CAMKK2: variants seen among roughly 807,000 people sequenced by gnomAD.
CAMKK2 encodes calcium/calmodulin dependent protein kinase kinase 2, also known as calcium/calmodulin-dependent protein kinase kinase 2.
A neutral mutation model predicts 67.2 loss-of-function variants in CAMKK2; 30 were observed. That is an observed-to-expected ratio of 0.45 (90% CI 0.33 to 0.61). CAMKK2 has a LOEUF of 0.61. CAMKK2 is among the 20% of genes least tolerant of loss of function. The pLI is 0.02. For missense variants in CAMKK2, 643 were observed against 802.0 expected, an observed-to-expected ratio of 0.80 and a Z score of 2.39; for synonymous variants, 322 against 326.2, an observed-to-expected ratio of 0.99 and a Z score of 0.14.
At chr12:121,251,431 G>A (rs893753240) in intron 11 of CAMKK2, among the ~76,000 whole-genome samples, 6 of 152,120 alleles carry the variant, frequency 3.9e-5, no homozygotes, top group Non-Finnish European at 5.9e-5. Flanking sequence ...TTCTTCATGG[G>A]ACCAGTTTCT....
chr12:121,281,251 C>A (rs1490303499), intron 1 of CAMKK2, among the ~76,000 whole-genome samples: 1 of 152,256 alleles, frequency 6.6e-6, no homozygotes, highest in Non-Finnish European at 1.5e-5. Context: ...GGGGCTGTTT[C>A]CAACCTGCAT....
At chr12:121,265,141 G>A (rs943495975) in intron 5 of CAMKK2, among the ~76,000 whole-genome samples, 1 of 152,168 alleles carries the variant, frequency 6.6e-6, no homozygotes, top group African/African-American at 2.4e-5. Flanking sequence ...AGGATGTACA[G>A]ACCCACAGTG....
At chr12:121,261,338 T>C (rs1294471049) in intron 6 of CAMKK2, among the ~76,000 whole-genome samples, 1 of 152,180 alleles carries the variant, frequency 6.6e-6, no homozygotes, top group African/African-American at 2.4e-5. Flanking sequence ...CCAAATGCCC[T>C]TGGGCTTCCT....
Position 121,238,611 on chromosome 12 carries a change from C to G in CAMKK2, c.*2088G>C, listed in dbSNP as rs201062980. 2 of 152,586 alleles carry G rather than the reference C, an allele frequency of 1.3e-5. No homozygotes were observed. Among genetic ancestry groups the G allele is most frequent in the Non-Finnish European group, 2.9e-5 (2 of 68,054 alleles). The allele number at this position is 152,586 out of a possible 1,614,324, so 9.5% of individuals were successfully genotyped here. A position where few individuals can be genotyped will look rare whatever the true frequency, so the allele number is the denominator to read the frequency against. On this transcript the variant is annotated 3_prime_UTR_variant, in exon 17 of 17. Coordinates refer to ENST00000404169, the MANE Select transcript of CAMKK2 (RefSeq NM_001270485.2). ...GGTCTCCCCCACCCCACTGCCCCCA[C>G]AGCTGGGTGCTGCCTGATTGCTGGC...
At chr12:121,254,291 C>T (rs776048560) in intron 9 of CAMKK2, among the ~76,000 whole-genome samples, 25 of 151,990 alleles carry the variant, frequency 1.6e-4, no homozygotes, top group African/African-American at 5.1e-4. Context: ...AACCCCATCT[C>T]TACAAAAAAT....
chr12:121,263,739 T>G, intron 6 of CAMKK2, 67 bp downstream of exon 6: 5 of 1,482,808 alleles, frequency 3.4e-6, no homozygotes, highest in Non-Finnish European at 4.6e-6. Flanking sequence ...TGGAAACCAG[T>G]GGCGGGGTGT....
chr12:121,244,837 C>T (rs1351884998), intron 15 of CAMKK2, among the ~76,000 whole-genome samples: 1 of 152,222 alleles, frequency 6.6e-6, no homozygotes, highest in East Asian at 1.9e-4. Flanking sequence ...TCAAACCTCC[C>T]CATCAGGCAC....
chr12:121,289,306 G>A (rs1899479271), intron 1 of CAMKK2, among the ~76,000 whole-genome samples: 1 of 151,796 alleles, frequency 6.6e-6, no homozygotes, highest in African/African-American at 2.4e-5. Context: ...CCGAAACACT[G>A]GCAGCTAAAA....
Position 121,252,605 on chromosome 12 carries a change from T to C in CAMKK2, c.1161+56A>G. 4 of 1,523,152 alleles carry C rather than the reference T, an allele frequency of 2.6e-6. No individual in the cohort carries two copies. The Admixed American group carries it at 6.7e-5, about 25-fold the overall frequency. The allele number at this position is 1,523,152 out of a possible 1,614,324, so 94.4% of individuals were successfully genotyped here. On this transcript the variant is annotated intron_variant, in intron 11 of 16. Transcript: ENST00000404169. The stretch of plus-strand genomic sequence containing the variant: ...AGTACTGTCTCCCCGCAAGGGTGAC[T>C]ATTAACCCAGGGGCCACCCAGCAGT...
chr12:121,249,705 G>T, intron 13 of CAMKK2, 82 bp downstream of exon 13: 1 of 1,121,794 alleles, frequency 8.9e-7, no homozygotes, highest in Non-Finnish European at 1.4e-6. Flanking sequence ...GTGGTGCTGT[G>T]GACACAAGGG....
chr12:121,246,258 G>T (rs965713207), intron 14 of CAMKK2, among the ~76,000 whole-genome samples: 8 of 134,122 alleles, frequency 6.0e-5, no homozygotes, highest in East Asian at 2.4e-4. Context: ...AGGAGCGGGG[G>T]GGGGGAGGCG....
intron 1 of CAMKK2, among the ~76,000 whole-genome samples, chr12:121,277,744 A>G (rs1312740048): frequency 6.6e-6 from 1 of 152,202 alleles, no homozygotes; most frequent in Non-Finnish European, 1.5e-5. Context: ...AGGCAGGCAG[A>G]TCACTTGAGG....
chr12:121,268,773 T>G, intron 4 of CAMKK2, 84 bp from the exon 5 acceptor site: 61 of 1,322,014 alleles, frequency 4.6e-5, no homozygotes, highest in Middle Eastern at 2.2e-4. Flanking sequence ...CAGTCGGGGT[T>G]CCTCTACTCC....
intron 1 of CAMKK2, among the ~76,000 whole-genome samples, chr12:121,292,201 A>G (rs187287773): frequency 6.6e-6 from 1 of 151,528 alleles, no homozygotes; most frequent in Non-Finnish European, 1.5e-5. Context: ...TCTTGGCTCA[A>G]TGCAACATCC....
chr12:121,269,644 C>T, intron 3 of CAMKK2, 63 bp from the exon 4 acceptor site: 1 of 1,296,214 alleles, frequency 7.7e-7, no homozygotes, highest in Non-Finnish European at 1.1e-6. Flanking sequence ...AATGAGAACC[C>T]TAATACAGAC....
intron 14 of CAMKK2, among the ~76,000 whole-genome samples, chr12:121,247,253 C>T (rs1889675578): frequency 6.6e-6 from 1 of 152,160 alleles, no homozygotes; most frequent in Non-Finnish European, 1.5e-5. Flanking sequence ...ACTGTACATA[C>T]ATTTGTTGGT....
intron 1 of CAMKK2, among the ~76,000 whole-genome samples, chr12:121,289,079 C>G (rs1899404994): frequency 6.6e-6 from 1 of 152,126 alleles, no homozygotes; most frequent in South Asian, 2.1e-4. Context: ...CCCACCCCAC[C>G]CCAACCAAAA....
At chr12:121,242,148 A>G (rs2686339) in intron 16 of CAMKK2, among the ~76,000 whole-genome samples, 8,314 of 152,172 alleles carry the variant, frequency 0.055, 249 homozygotes, top group South Asian at 0.12. Flanking sequence ...CCTGGCCAAC[A>G]TGGTGAAACC....
chr12:121,276,776 C>T (rs1271375890), intron 1 of CAMKK2, among the ~76,000 whole-genome samples: 2 of 151,614 alleles, frequency 1.3e-5, no homozygotes, highest in Admixed American at 6.6e-5. Flanking sequence ...ATCCTAGCTA[C>T]TGGAGAGGCT....
Sources: gnomAD v4.1 joint callset for allele counts (sites outside exome capture counted in the v4.1 genomes callset) on GRCh38, gnomAD v4.1.1 for gene constraint, MANE v1.5 for transcripts, NCBI Gene and HGNC (gene_info 2026-07-23, HGNC 2026-07-21) for gene names.